Variants in DIP2B observed in about 807,000 individuals in gnomAD.
DIP2B encodes DIP2 acetate--CoA ligase B (putative), also known as disco-interacting protein 2 homolog B.
A neutral mutation model predicts 198.0 loss-of-function variants in DIP2B; 76 were observed. The ratio of observed to expected loss-of-function variants is 0.38; its 90% CI spans 0.32 to 0.46. The LOEUF is 0.46. Ranked by LOEUF, DIP2B falls within the 20% of genes least tolerant of loss-of-function variation. The pLI, the probability that DIP2B is intolerant of heterozygous loss-of-function variation, is 0.99. For synonymous variants in DIP2B, 701 were observed against 739.1 expected (o/e 0.95, Z 0.84); for missense variants, 1,559 against 1,978.4 (o/e 0.79, Z 4.02).
intron 1 of DIP2B, among the ~76,000 whole-genome samples, chr12:50,510,325 G>A (rs1958003073): frequency 1.3e-5 from 2 of 152,190 alleles, no homozygotes; most frequent in Non-Finnish European, 2.9e-5. Context: ...TTGTTCTGGT[G>A]TGTATTTTGA....
At position 50,505,406 on chromosome 12, in the gene DIP2B, A is replaced by C. The variant is rs575264017; in HGVS notation, c.100+166A>C. 3.9e-5 allele frequency among the ~76,000 whole-genome samples: 6 copies of C among 152,114 alleles called. 1 individual carries two copies. Among genetic ancestry groups the C allele is most frequent in the African/African-American group, 1.4e-4 (6 of 41,514 alleles). ...GTTTTCCCTCCTCTCCCACCCCATT[A>C]AGTGGTTTCCTGTGGCTTTCATTGT... On this transcript the variant is annotated intron_variant, in intron 1 of 37. Coordinates refer to ENST00000301180, the MANE Select transcript of DIP2B (RefSeq NM_173602.3).
At chr12:50,547,016 C>G (rs573810162) in intron 1 of DIP2B, among the ~76,000 whole-genome samples, 2 of 152,178 alleles carry the variant, frequency 1.3e-5, no homozygotes, top group South Asian at 2.1e-4. Context: ...CACCTTACCT[C>G]CTTATTTTTA....
intron 1 of DIP2B, among the ~76,000 whole-genome samples, chr12:50,579,253 A>G (rs150661966): frequency 6.6e-6 from 1 of 152,250 alleles, no homozygotes; most frequent in East Asian, 1.9e-4. Flanking sequence ...TGCTGGCAGC[A>G]TTTGTTGACA....
chr12:50,579,018 G>A (rs577966199), intron 1 of DIP2B, among the ~76,000 whole-genome samples: 12 of 152,072 alleles, frequency 7.9e-5, no homozygotes, highest in Non-Finnish European at 1.5e-4. Flanking sequence ...ATGCACTCAC[G>A]GTAAAAGATA....
At position 50,511,291 on chromosome 12, in the gene DIP2B, A is replaced by ATTTTTTTTTTTTTTTTTTTTT. The variant is rs71083581; in HGVS notation, c.100+6052_100+6072dup. Among the ~76,000 whole-genome samples, 5 of 64,664 alleles carry ATTTTTTTTTTTTTTTTTTTTT rather than the reference A, an allele frequency of 7.7e-5. 2 individuals are homozygous for ATTTTTTTTTTTTTTTTTTTTT. Among genetic ancestry groups the ATTTTTTTTTTTTTTTTTTTTT allele is most frequent in the African/African-American group, 2.4e-4 (4 of 16,534 alleles). The allele number at this position is 64,664 out of a possible 152,430, so 42.4% of individuals were successfully genotyped here. On this transcript the variant is annotated intron_variant, in intron 1 of 37. Transcript: ENST00000301180. ...CCTATCCCTGACCAGTGTGATTTCT[A>ATTTTTTTTTTTTTTTTTTTTT]TTTTTTTTTTTTTTTTTTTTTGAGA...
intron 1 of DIP2B, among the ~76,000 whole-genome samples, chr12:50,619,880 C>A (rs935138946): frequency 6.6e-6 from 1 of 151,988 alleles, no homozygotes; most frequent in Non-Finnish European, 1.5e-5. Flanking sequence ...AATAGTGAGA[C>A]CCTTGTCTCT....
intron 1 of DIP2B, among the ~76,000 whole-genome samples, chr12:50,582,070 A>C (rs1267303831): frequency 3.3e-5 from 5 of 151,832 alleles, no homozygotes; most frequent in Non-Finnish European, 7.4e-5. Flanking sequence ...ATGCTTGATC[A>C]AAGAGAAGGG....
chr12:50,663,955 C>T (rs946685414), intron 4 of DIP2B, among the ~76,000 whole-genome samples: 2 of 148,972 alleles, frequency 1.3e-5, no homozygotes, highest in Non-Finnish European at 3.0e-5. Context: ...TAATATTTTA[C>T]AGGATTTAGT....
At chr12:50,607,018 G>T (rs1461744051) in intron 1 of DIP2B, among the ~76,000 whole-genome samples, 1 of 151,890 alleles carries the variant, frequency 6.6e-6, no homozygotes, top group East Asian at 1.9e-4. Flanking sequence ...TGCCCGCAGT[G>T]GTAGTCTAGA....
rs181619282 is a variant in DIP2B, at chr12:50,742,960, C to G, written c.4478+1421C>G. Among the ~76,000 whole-genome samples the G allele has an allele frequency of 9.9e-5, 15 of 152,196 alleles. No individual in the cohort carries two copies. In the East Asian group the frequency reaches 2.5e-3, roughly 25 times the overall value. ...CCCCAGACCTGAACAAGACTCTGAC[C>G]AAGACAAGAACATCTTTAGACATCT... On this transcript the variant is annotated intron_variant, in intron 37 of 37. Transcript: ENST00000301180.
chr12:50,524,134 A>G (rs934642359), intron 1 of DIP2B, among the ~76,000 whole-genome samples: 13 of 152,200 alleles, frequency 8.5e-5, no homozygotes, highest in Admixed American at 2.6e-4. Context: ...TATCAAGTCC[A>G]TCAGTGAGCC....
intron 7 of DIP2B, among the ~76,000 whole-genome samples, chr12:50,676,566 C>A (rs893777677): frequency 1.3e-5 from 2 of 152,140 alleles, no homozygotes; most frequent in African/African-American, 4.8e-5. Flanking sequence ...ATGAAGGTCA[C>A]GGTTTTTAAC....
chr12:50,508,403 G>T (rs1957986212), intron 1 of DIP2B, among the ~76,000 whole-genome samples: 1 of 152,188 alleles, frequency 6.6e-6, no homozygotes, highest in Non-Finnish European at 1.5e-5. Context: ...CTAATGGGGA[G>T]AATTAATTTG....
At chr12:50,727,905 C>A in intron 29 of DIP2B, 93 bp downstream of exon 29, 1 of 1,048,560 alleles carries the variant, frequency 9.5e-7, no homozygotes, top group Non-Finnish European at 1.5e-6. Context: ...AGTGGTTGTA[C>A]CAGAGACCGG....
intron 1 of DIP2B, among the ~76,000 whole-genome samples, chr12:50,566,104 A>G (rs1454202335): frequency 6.6e-6 from 1 of 152,124 alleles, no homozygotes; most frequent in Non-Finnish European, 1.5e-5. Context: ...GTGCAGTGGC[A>G]TGATTATGGC....
chr12:50,733,250 CTT>C (rs1565885738), intron 32 of DIP2B, among the ~76,000 whole-genome samples: 2 of 70,174 alleles, frequency 2.9e-5, no homozygotes, highest in African/African-American at 9.2e-5. Context: ...CATTTTTTTT[CTT>C]TCTTTTTTTT....
intron 1 of DIP2B, among the ~76,000 whole-genome samples, chr12:50,506,855 A>T (rs1957972956): frequency 1.3e-5 from 2 of 152,224 alleles, no homozygotes; most frequent in Admixed American, 6.5e-5. Context: ...GAAAGTAACA[A>T]ATCATCTAGC....
intron 1 of DIP2B, among the ~76,000 whole-genome samples, chr12:50,529,339 TGTCATAAGGGAG>T (rs1204664922): frequency 2.0e-5 from 3 of 152,166 alleles, no homozygotes; most frequent in Non-Finnish European, 4.4e-5. Context: ...GCATAATAAA[TGTCATAAGGGAG>T]ACATGTTCAA....
chr12:50,710,202 A>G (rs1310029545), intron 22 of DIP2B, among the ~76,000 whole-genome samples: 1 of 152,166 alleles, frequency 6.6e-6, no homozygotes, highest in East Asian at 1.9e-4. Context: ...CCCGGTAGCT[A>G]TGCTAGCGAA....
Sources: allele counts gnomAD v4.1 joint callset (sites outside exome capture counted in the v4.1 genomes callset), GRCh38; gene constraint gnomAD v4.1.1; transcripts MANE v1.5; gene names NCBI Gene and HGNC (gene_info 2026-07-23, HGNC 2026-07-21).